Variants in MARCHF1 observed in about 807,000 individuals in gnomAD.
MARCHF1 encodes membrane associated ring-CH-type finger 1.
MARCHF1 carries 40 observed loss-of-function variants against 54.2 expected under a neutral mutation model. The ratio of observed to expected loss-of-function variants is 0.74; its 90% confidence interval spans 0.57 to 0.96. The LOEUF is 0.96. MARCHF1 is among the 40% of genes least tolerant of loss of function. The pLI is 0.00. For missense variants in MARCHF1, 586 were observed against 656.5 expected, an observed-to-expected ratio of 0.89 and a Z score of 1.17; for synonymous variants, 236 against 236.3, an observed-to-expected ratio of 1.00 and a Z score of 0.01.
intron 4 of MARCHF1, among the ~76,000 whole-genome samples, chr4:163,843,097 A>G (rs878883724): frequency 2.0e-5 from 3 of 152,066 alleles, no homozygotes; most frequent in Non-Finnish European, 2.9e-5. Context: ...GCTGCTGCTT[A>G]TATGTGTGAA....
intron 1 of MARCHF1, among the ~76,000 whole-genome samples, chr4:164,306,946 C>T (rs1734711586): frequency 6.6e-6 from 1 of 152,120 alleles, no homozygotes; most frequent in Non-Finnish European, 1.5e-5. Flanking sequence ...ATATTACATG[C>T]ATATTTTCTA....
intron 4 of MARCHF1, among the ~76,000 whole-genome samples, chr4:163,802,465 T>C (rs1284225774): frequency 6.6e-6 from 1 of 152,352 alleles, no homozygotes; most frequent in East Asian, 1.9e-4. Flanking sequence ...TGAATGGTTG[T>C]ATTTTTAGAT....
chr4:163,591,075 AT>A (rs763563541), intron 7 of MARCHF1, among the ~76,000 whole-genome samples: 31 of 151,018 alleles, frequency 2.1e-4, no homozygotes, highest in East Asian at 1.4e-3. Flanking sequence ...ATGATTATTA[AT>A]TAATTATTGT....
At chr4:164,155,966 A>T (rs1230355411) in intron 1 of MARCHF1, among the ~76,000 whole-genome samples, 1 of 152,148 alleles carries the variant, frequency 6.6e-6, no homozygotes, top group South Asian at 2.1e-4. Flanking sequence ...GTGGTAATAA[A>T]TCATAATTTT....
intron 3 of MARCHF1, among the ~76,000 whole-genome samples, chr4:163,919,361 T>C (rs1751375030): frequency 6.6e-6 from 1 of 151,928 alleles, no homozygotes; most frequent in African/African-American, 2.4e-5. Context: ...TACAAATAAA[T>C]AATTCATGAA....
chr4:163,887,766 C>A (rs1750571668), intron 3 of MARCHF1, among the ~76,000 whole-genome samples: 1 of 152,048 alleles, frequency 6.6e-6, no homozygotes, highest in Non-Finnish European at 1.5e-5. Context: ...CATCTTTAGT[C>A]CTTTATTTTC....
intron 3 of MARCHF1, among the ~76,000 whole-genome samples, chr4:163,971,507 A>G (rs1375685724): frequency 6.6e-6 from 1 of 152,196 alleles, no homozygotes; most frequent in Non-Finnish European, 1.5e-5. Flanking sequence ...GGTTAGTTCT[A>G]TTAGTGAAGG....
At chr4:164,073,137 T>C (rs191071431) in intron 2 of MARCHF1, among the ~76,000 whole-genome samples, 52 of 152,222 alleles carry the variant, frequency 3.4e-4, no homozygotes, top group African/African-American at 1.1e-3. Context: ...GTACAGACAT[T>C]ATAAGTAAGC....
At chr4:163,931,561 A>G (rs1232517824) in intron 3 of MARCHF1, among the ~76,000 whole-genome samples, 1 of 152,162 alleles carries the variant, frequency 6.6e-6, no homozygotes, top group Non-Finnish European at 1.5e-5. Flanking sequence ...CACTGAATAT[A>G]CTAGTCCCTA....
intron 4 of MARCHF1, among the ~76,000 whole-genome samples, chr4:163,752,947 G>A (rs1375791881): frequency 1.3e-5 from 2 of 152,092 alleles, no homozygotes; most frequent in African/African-American, 4.8e-5. Flanking sequence ...TTCATTGCCA[G>A]TAACACTGAA....
chr4:163,639,855 CAA>C (rs1273708949), intron 5 of MARCHF1, among the ~76,000 whole-genome samples: 2 of 152,058 alleles, frequency 1.3e-5, no homozygotes, highest in Non-Finnish European at 2.9e-5. Context: ...GTGGATGAAA[CAA>C]AGACGAACAG....
At chr4:164,209,274 T>C (rs1318611570) in intron 1 of MARCHF1, among the ~76,000 whole-genome samples, 1 of 152,182 alleles carries the variant, frequency 6.6e-6, no homozygotes, top group African/African-American at 2.4e-5. Flanking sequence ...GAATGATTTC[T>C]TCCAATTTAT....
At chr4:164,196,963 G>A in intron 1 of MARCHF1, 2 of 1,600,204 alleles carry the variant, frequency 1.2e-6, no homozygotes, top group Non-Finnish European at 1.7e-6. Context: ...TTTCAAAATA[G>A]GTTATTCTAC....
rs570990365 is a variant in MARCHF1 at position 164,220,744 on chromosome 4, A to G, written c.-322-109082T>C. On this transcript the variant is annotated intron_variant, in intron 1 of 9. Coordinates refer to ENST00000514618, the MANE Select transcript of MARCHF1 (RefSeq NM_001394959.1). ...TGATATATGTATATATGTAATATAT[A>G]TGCTATATATGTAATATATATGATA... is the stretch of plus-strand genomic sequence containing the variant. 3.7e-3 allele frequency among the ~76,000 whole-genome samples: 542 copies of G among 146,588 alleles called. 4 individuals carry two copies. Among genetic ancestry groups the G allele is most frequent in the African/African-American group, 0.013 (510 of 40,502 alleles).
intron 1 of MARCHF1, among the ~76,000 whole-genome samples, chr4:164,326,957 T>TGTG (rs1735296438): frequency 7.5e-6 from 1 of 133,664 alleles, no homozygotes; most frequent in African/African-American, 2.9e-5. Context: ...GTTGTAAGGA[T>TGTG]TGTGTGTGTG....
At chr4:163,963,400 G>A (rs902899108) in intron 3 of MARCHF1, among the ~76,000 whole-genome samples, 5 of 152,032 alleles carry the variant, frequency 3.3e-5, no homozygotes, top group East Asian at 3.9e-4. Flanking sequence ...ATTGAAAACC[G>A]ATGATACCGA....
intron 1 of MARCHF1, among the ~76,000 whole-genome samples, chr4:164,360,025 C>T (rs974189723): frequency 6.6e-6 from 1 of 152,060 alleles, no homozygotes; most frequent in South Asian, 2.1e-4. Context: ...CCCCAGAACA[C>T]TCCGCGCAAT....
chr4:163,909,981 T>C (rs1162772641), intron 3 of MARCHF1, among the ~76,000 whole-genome samples: 1 of 152,174 alleles, frequency 6.6e-6, no homozygotes, highest in African/African-American at 2.4e-5. Flanking sequence ...TCAACAATTT[T>C]TTCTCATTAG....
At chr4:164,357,107 GT>G (rs909932568) in intron 1 of MARCHF1, among the ~76,000 whole-genome samples, 34 of 114,398 alleles carry the variant, frequency 3.0e-4, no homozygotes, top group Admixed American at 9.9e-4. Context: ...CTGAACTTAA[GT>G]TTTTTTTTAA....
Sources: allele counts gnomAD v4.1 joint callset (sites outside exome capture counted in the v4.1 genomes callset), GRCh38; gene constraint gnomAD v4.1.1; transcripts MANE v1.5; gene names NCBI Gene and HGNC (gene_info 2026-07-23, HGNC 2026-07-21).